NMNAT2: variants seen among roughly 807,000 people sequenced by gnomAD.
The protein encoded by NMNAT2 is nicotinamide nucleotide adenylyltransferase 2.
NMNAT2 carries 11 observed loss-of-function variants against 41.6 expected under a neutral mutation model. That is an observed-to-expected ratio of 0.26 (90% confidence interval 0.17 to 0.44). NMNAT2 has a LOEUF of 0.44. Among genes scored for constraint, NMNAT2 ranks in the 20% least tolerant of loss-of-function variants. The probability of loss-of-function intolerance (pLI) is 1.00; values close to 1 mark genes in which losing one functional copy is unlikely to be tolerated. For synonymous variants in NMNAT2, 148 were observed against 151.2 expected (o/e 0.98, Z 0.16); for missense variants, 288 against 407.7 (o/e 0.71, Z 2.53).
intron 8 of NMNAT2, among the ~76,000 whole-genome samples, chr1:183,268,583 C>T (rs1660881447): frequency 6.6e-6 from 1 of 152,320 alleles, no homozygotes; most frequent in East Asian, 1.9e-4. Context: ...ACTCCTCCAA[C>T]CAAGTTGTTC....
chr1:183,358,040 T>G (rs926636783), intron 1 of NMNAT2, among the ~76,000 whole-genome samples: 1 of 152,124 alleles, frequency 6.6e-6, no homozygotes, highest in Non-Finnish European at 1.5e-5. Context: ...CAATGATAGA[T>G]TGGATTAAAA....
chr1:183,402,513 CTG>C (rs1380950135), intron 1 of NMNAT2, among the ~76,000 whole-genome samples: 1 of 152,188 alleles, frequency 6.6e-6, no homozygotes, highest in Non-Finnish European at 1.5e-5. Context: ...TTTTTGAAAT[CTG>C]TGCTTCCCAG....
chr1:183,291,620 ATCT>A (rs1489362848), intron 3 of NMNAT2, among the ~76,000 whole-genome samples: 1 of 152,120 alleles, frequency 6.6e-6, no homozygotes, highest in Non-Finnish European at 1.5e-5. Flanking sequence ...TTATTCCAGA[ATCT>A]TCTAAGCACA....
chr1:183,336,019 A>G (rs1024337054), intron 1 of NMNAT2, among the ~76,000 whole-genome samples: 1 of 152,232 alleles, frequency 6.6e-6, no homozygotes, highest in African/African-American at 2.4e-5. Flanking sequence ...AGAAACTAAA[A>G]GAGTCTGAAA....
At chr1:183,402,542 GC>G (rs1455371998) in intron 1 of NMNAT2, among the ~76,000 whole-genome samples, 1 of 152,084 alleles carries the variant, frequency 6.6e-6, no homozygotes, top group Non-Finnish European at 1.5e-5. Flanking sequence ...CTCCTCAAAC[GC>G]TGCTCTTGAA....
At chr1:183,394,163 T>C (rs903469477) in intron 1 of NMNAT2, among the ~76,000 whole-genome samples, 6 of 152,252 alleles carry the variant, frequency 3.9e-5, no homozygotes, top group Non-Finnish European at 7.3e-5. Context: ...GGTAACAGAA[T>C]GGACAGTGCC....
At chr1:183,288,430 G>C (rs1236395188) in intron 4 of NMNAT2, among the ~76,000 whole-genome samples, 3 of 152,208 alleles carry the variant, frequency 2.0e-5, no homozygotes, top group African/African-American at 7.2e-5. Context: ...AGACAGGGGG[G>C]CCGGCAGTGA....
intron 1 of NMNAT2, among the ~76,000 whole-genome samples, chr1:183,300,566 A>G (rs1245457625): frequency 1.3e-5 from 2 of 152,182 alleles, no homozygotes; most frequent in South Asian, 4.1e-4. Context: ...AGTCTAAGGT[A>G]TTTTGTTACA....
chr1:183,272,342 T>A (rs546698851), intron 8 of NMNAT2, among the ~76,000 whole-genome samples: 1 of 152,234 alleles, frequency 6.6e-6, no homozygotes, highest in Admixed American at 6.5e-5. Flanking sequence ...TGCAGTGGGG[T>A]GGCAGGAGCT....
At chr1:183,362,566 C>T (rs1464342374) in intron 1 of NMNAT2, among the ~76,000 whole-genome samples, 1 of 152,176 alleles carries the variant, frequency 6.6e-6, no homozygotes, top group African/African-American at 2.4e-5. Context: ...TAACAAAATG[C>T]TTTCAAGGTT....
At chr1:183,406,083 AAGAG>A (rs561749680) in intron 1 of NMNAT2, among the ~76,000 whole-genome samples, 230 of 152,330 alleles carry the variant, frequency 1.5e-3, no homozygotes, top group African/African-American at 4.9e-3. Context: ...CATTTAGAAA[AAGAG>A]AGAGACAGTG....
At chr1:183,332,580 G>A (rs1662607019) in intron 1 of NMNAT2, among the ~76,000 whole-genome samples, 1 of 152,182 alleles carries the variant, frequency 6.6e-6, no homozygotes, top group Non-Finnish European at 1.5e-5. Flanking sequence ...CACATGGGTT[G>A]AAAGTGAGAT....
At chr1:183,379,096 T>C (rs1663744686) in intron 1 of NMNAT2, among the ~76,000 whole-genome samples, 1 of 146,810 alleles carries the variant, frequency 6.8e-6, no homozygotes, top group African/African-American at 2.5e-5. Flanking sequence ...ATCTATAATC[T>C]ATAATCTATA....
chr1:183,377,859 G>GA (rs1408772797), intron 1 of NMNAT2, among the ~76,000 whole-genome samples: 1 of 152,110 alleles, frequency 6.6e-6, no homozygotes, highest in Non-Finnish European at 1.5e-5. Context: ...AAACTCTAAT[G>GA]AAAAAAGCAA....
At chr1:183,269,389 C>T (rs1660922770) in intron 8 of NMNAT2, among the ~76,000 whole-genome samples, 2 of 152,208 alleles carry the variant, frequency 1.3e-5, no homozygotes, top group South Asian at 4.1e-4. Context: ...TTGAAACTTC[C>T]ATCGGCAACA....
chr1:183,378,579 A>C (rs188346882), intron 1 of NMNAT2, among the ~76,000 whole-genome samples: 77 of 152,008 alleles, frequency 5.1e-4, no homozygotes, highest in African/African-American at 1.8e-3. Flanking sequence ...ATTATAAAAT[A>C]AATAAAAATG....
At chr1:183,319,996 G>C (rs1208132783) in intron 1 of NMNAT2, among the ~76,000 whole-genome samples, 2 of 152,222 alleles carry the variant, frequency 1.3e-5, no homozygotes, top group Non-Finnish European at 2.9e-5. Context: ...GATAGCTGCT[G>C]TCTCTCTGGC....
chr1:183,345,097 C>T (rs758981590), intron 1 of NMNAT2, among the ~76,000 whole-genome samples: 14 of 144,896 alleles, frequency 9.7e-5, no homozygotes, highest in Non-Finnish European at 1.5e-4. Flanking sequence ...AAAATGACAC[C>T]GCTAATATAC....
intron 4 of NMNAT2, among the ~76,000 whole-genome samples, chr1:183,289,580 G>A (rs1417254471): frequency 6.6e-6 from 1 of 152,222 alleles, no homozygotes; most frequent in Non-Finnish European, 1.5e-5. Context: ...AATAAAACAG[G>A]CATCAGACAC....
Sources: gnomAD v4.1 joint callset for allele counts (sites outside exome capture counted in the v4.1 genomes callset) on GRCh38, gnomAD v4.1.1 for gene constraint, MANE v1.5 for transcripts, NCBI Gene and HGNC (gene_info 2026-07-23, HGNC 2026-07-21) for gene names.